BRK1: variants seen among roughly 807,000 people sequenced by gnomAD.
BRK1 encodes the protein protein BRICK1.
BRK1 carries 6 observed loss-of-function variants against 9.9 expected under a neutral mutation model. The observed-to-expected ratio is 0.60, with a 90% CI of 0.33 to 1.19. The LOEUF is 1.19. Among genes scored for constraint, BRK1 ranks in the 50% most tolerant of loss-of-function variants. BRK1 has a pLI of 0.04. For missense variants in BRK1, 62 were observed against 97.5 expected (o/e 0.64, Z 1.53); for synonymous variants, 44 against 31.9 (o/e 1.38, Z -1.28).
intron 1 of BRK1, among the ~76,000 whole-genome samples, chr3:10,122,693 C>G (rs1230534607): frequency 6.6e-6 from 1 of 152,012 alleles, no homozygotes; most frequent in Non-Finnish European, 1.5e-5. Flanking sequence ...TGAACTCTAG[C>G]CTGGGTGACA....
intron 2 of BRK1, among the ~76,000 whole-genome samples, 185 bp from the exon 3 acceptor site, chr3:10,126,084 C>G (rs1038335832): frequency 1.3e-5 from 2 of 152,114 alleles, no homozygotes; most frequent in Non-Finnish European, 2.9e-5. Context: ...GAGTGAGACT[C>G]CATCTCAAAA....
At position 10,125,637 on chromosome 3, in the gene BRK1, C is replaced by T. The variant is rs1575909591; in HGVS notation, c.130C>T (p.Arg44Cys). The change falls in exon 2 of 3, where the codon CGT (arginine) becomes TGT (cysteine). Residue 44 changes from arginine to cysteine, a missense_variant. Physicochemically the swap from Arg to Cys is radical, Grantham distance 180. Coordinates refer to ENST00000530758, the MANE Select transcript of BRK1 (RefSeq NM_018462.5). ...TCTCTTTTTCTCAGATATGTCTTGT[C>T]GTTCAAGACTTGCAACACTAAACGA... ...DFLNSFDMSC[R>C]SRLATLNEKL... 3 of 1,609,576 alleles carry T rather than the reference C, an allele frequency of 1.9e-6. No individual in the cohort carries two copies. The highest frequency in any genetic ancestry group is 2.5e-6 in the Non-Finnish European group (3 of 1,177,342).
intron 1 of BRK1, among the ~76,000 whole-genome samples, chr3:10,122,843 G>A (rs995826057): frequency 1.6e-4 from 24 of 152,216 alleles, no homozygotes; most frequent in Non-Finnish European, 3.1e-4. Flanking sequence ...GAGATAGGCA[G>A]GCAAGATGAG....
intron 1 of BRK1, among the ~76,000 whole-genome samples, chr3:10,121,262 T>C (rs1695751880): frequency 6.6e-6 from 1 of 152,200 alleles, no homozygotes; most frequent in Non-Finnish European, 1.5e-5. Context: ...ATTATAATTA[T>C]TGCACAACTC....
intron 1 of BRK1, among the ~76,000 whole-genome samples, chr3:10,116,500 A>G (rs903633487): frequency 9.9e-5 from 15 of 152,184 alleles, no homozygotes; most frequent in Non-Finnish European, 1.9e-4. Flanking sequence ...TTCAGCAGAA[A>G]GATATCTTTA....
intron 1 of BRK1, among the ~76,000 whole-genome samples, chr3:10,116,633 G>A (rs1003371740): frequency 2.6e-5 from 4 of 152,142 alleles, no homozygotes; most frequent in Admixed American, 6.6e-5. Flanking sequence ...CTTGGCACTG[G>A]TTAGACTTTC....
chr3:10,117,705 T>G (rs1323765222), intron 1 of BRK1, among the ~76,000 whole-genome samples: 1 of 151,506 alleles, frequency 6.6e-6, no homozygotes, highest in African/African-American at 2.4e-5. Flanking sequence ...CCCCCAAAAA[T>G]TCTAAACTAA....
At chr3:10,120,892 G>A (rs1695747359) in intron 1 of BRK1, among the ~76,000 whole-genome samples, 1 of 152,194 alleles carries the variant, frequency 6.6e-6, no homozygotes, top group Admixed American at 6.5e-5. Context: ...ATTTTCGTAT[G>A]TCTTCATGGG....
chr3:10,120,899 T>C (rs1203993638), intron 1 of BRK1, among the ~76,000 whole-genome samples: 1 of 152,222 alleles, frequency 6.6e-6, no homozygotes, highest in African/African-American at 2.4e-5. Flanking sequence ...TATGTCTTCA[T>C]GGGAAATGGC....
chr3:10,126,131 A>T lies in BRK1; in HGVS notation c.202-138A>T, dbSNP rs997826152. 3 of 611,832 alleles carry T rather than the reference A, an allele frequency of 4.9e-6. No individual in the cohort carries two copies. The African/African-American group carries it at 5.7e-5, about 12-fold the overall frequency. The allele number at this position is 611,832 out of a possible 1,614,324, so 37.9% of individuals were successfully genotyped here. A position where few individuals can be genotyped will look rare whatever the true frequency, so the allele number is the denominator to read the frequency against. On this transcript the variant is annotated intron_variant, in intron 2 of 2. Coordinates refer to ENST00000530758, the MANE Select transcript of BRK1 (RefSeq NM_018462.5). The stretch of plus-strand genomic sequence containing the variant: ...GAGAAAAGTTAAGCATGTTGCCTGG[A>T]TTTGAACCATGTTTCTGTGACTTCA...
At chr3:10,125,893 C>T (rs749992128) in intron 2 of BRK1, among the ~76,000 whole-genome samples, 185 bp downstream of exon 2, 21 of 152,064 alleles carry the variant, frequency 1.4e-4, no homozygotes, top group Non-Finnish European at 2.8e-4. Context: ...GAGTTCGAGT[C>T]CAGCCTGGCC....
At chr3:10,123,360 A>G (rs1275111978) in intron 1 of BRK1, among the ~76,000 whole-genome samples, 1 of 151,648 alleles carries the variant, frequency 6.6e-6, no homozygotes, top group East Asian at 1.9e-4. Context: ...CAGTAGTGAC[A>G]TGGCTTTAAT....
chr3:10,119,804 A>G (rs531706589), intron 1 of BRK1, among the ~76,000 whole-genome samples: 5 of 152,306 alleles, frequency 3.3e-5, no homozygotes, highest in Admixed American at 2.0e-4. Flanking sequence ...TTCTGGTTCT[A>G]AAGGTAATAT....
intron 1 of BRK1, among the ~76,000 whole-genome samples, chr3:10,116,239 C>T (rs1254301146): frequency 1.4e-4 from 22 of 152,178 alleles, no homozygotes; most frequent in Admixed American, 1.4e-3. Context: ...CGTTCCCCAT[C>T]TTCAGGATCT....
chr3:10,123,989 C>T (rs1305365313), intron 1 of BRK1, among the ~76,000 whole-genome samples: 1 of 151,768 alleles, frequency 6.6e-6, no homozygotes, highest in Non-Finnish European at 1.5e-5. Flanking sequence ...CCCACCTTGG[C>T]TTCCCAAAGT....
chr3:10,115,971 C>A (rs994553628), intron 1 of BRK1, among the ~76,000 whole-genome samples, 152 bp downstream of exon 1: 1 of 152,110 alleles, frequency 6.6e-6, no homozygotes. Flanking sequence ...TCCCTCCCGC[C>A]CTGACCCTCA....
intron 1 of BRK1, among the ~76,000 whole-genome samples, chr3:10,121,661 G>C (rs950670031): frequency 2.0e-5 from 3 of 151,662 alleles, no homozygotes; most frequent in African/African-American, 7.3e-5. Context: ...TAAATAAATT[G>C]TAAATTACAA....
chr3:10,126,417 C>A lies in BRK1; in HGVS notation c.*122C>A. ...AGCAACAGGGCTTATTCTTGTTTTT[C>A]TTTTTTCAAAAGTGTGGCCTTTGGG... On this transcript the variant is annotated 3_prime_UTR_variant, in exon 3 of 3. Transcript: ENST00000530758. 1 of 950,882 alleles carries A rather than the reference C, an allele frequency of 1.1e-6. No individual in the cohort carries two copies. The highest frequency in any genetic ancestry group is 1.6e-6 in the Non-Finnish European group (1 of 631,518). 58.9% of individuals were successfully genotyped at this position (950,882 alleles called of 1,614,324 possible). A position where few individuals can be genotyped will look rare whatever the true frequency, so the allele number is the denominator to read the frequency against.
At position 10,126,434 on chromosome 3, in the gene BRK1, G is replaced by T. The variant is rs1054345350; in HGVS notation, c.*139G>T. ...TTGTTTTTCTTTTTTCAAAAGTGTG[G>T]CCTTTGGGCTCTGCCATCTGGGGTG... is the stretch of plus-strand genomic sequence containing the variant. On this transcript the variant is annotated 3_prime_UTR_variant, in exon 3 of 3. Transcript: ENST00000530758. 1.3e-6 allele frequency: 1 copy of T among 779,228 alleles called. No homozygotes were observed. Among genetic ancestry groups the T allele is most frequent in the South Asian group, 1.8e-5 (1 of 54,930 alleles). The allele number at this position is 779,228 out of a possible 1,614,324, so 48.3% of individuals were successfully genotyped here. A position where few individuals can be genotyped will look rare whatever the true frequency, so the allele number is the denominator to read the frequency against.
Sources: allele counts gnomAD v4.1 joint callset (sites outside exome capture counted in the v4.1 genomes callset), GRCh38; gene constraint gnomAD v4.1.1; transcripts MANE v1.5; gene names NCBI Gene and HGNC (gene_info 2026-07-23, HGNC 2026-07-21).